The following KLHL4 variants were observed in gnomAD, a reference collection of about 807,000 sequenced individuals.
KLHL4 encodes the protein kelch-like protein 4.
KLHL4 carries 17 observed loss-of-function variants against 45.8 expected under a neutral mutation model. The ratio of observed to expected loss-of-function variants is 0.37; its 90% CI spans 0.25 to 0.56. The LOEUF (loss-of-function observed/expected upper bound fraction) is 0.56, where lower values mean the gene tolerates loss of function less well. Ranked by LOEUF, KLHL4 falls within the 20% of genes least tolerant of loss-of-function variation. The pLI is 0.79. For synonymous variants in KLHL4, 224 were observed against 189.9 expected, an observed-to-expected ratio of 1.18 and a Z score of -1.47; for missense variants, 544 against 544.9, an observed-to-expected ratio of 1.00 and a Z score of 0.02.
Position 87,668,748 on chromosome X carries a change from C to T in KLHL4, c.*2214C>T, listed in dbSNP as rs998673780. ...AGCATGCTCAGGGTGCACCGTATGT[C>T]CCCTGGTCATGTGATGCTATGTGTT... On this transcript the variant is annotated 3_prime_UTR_variant, in exon 11 of 11. Transcript: ENST00000373119. 7.3e-6 allele frequency: 1 copy of T among 136,731 alleles called. No individual in the cohort carries two copies. The highest frequency in any genetic ancestry group is 3.2e-5 in the African/African-American group (1 of 30,917). 11.3% of individuals were successfully genotyped at this position (136,731 alleles called of 1,213,427 possible).
intron 6 of KLHL4, 39 bp downstream of exon 6, chrX:87,625,835 C>A: frequency 9.7e-7 from 1 of 1,034,475 alleles, no homozygotes. Context: ...AAAAAAGATA[C>A]ATTCTTAACA....
intron 1 of KLHL4, among the ~76,000 whole-genome samples, chrX:87,532,572 A>T (rs1371897281): frequency 1.9e-5 from 2 of 103,581 alleles, no homozygotes; most frequent in African/African-American, 7.1e-5. Context: ...ATGAGCATGG[A>T]ATGTTCTTCC....
At position 87,618,063 on chromosome X, in the gene KLHL4, A is replaced by T; in HGVS notation, c.859A>T (p.Ile287Phe). 2 of 1,211,218 alleles carry T rather than the reference A, an allele frequency of 1.7e-6. No homozygotes were observed. The highest frequency in any genetic ancestry group is 1.1e-6 in the Non-Finnish European group (1 of 895,168). The change falls in exon 4 of 11, where the codon ATT becomes TTT. Residue 287 changes from isoleucine (I) to phenylalanine (F), a missense_variant. Transcript: ENST00000373119. ...GCTCCATCCTTCAAACTGCTTAGGGATTCGATCATTTGGAGATGCCCAAGG... is the reference window on the plus strand; with the variant it reads ...GCTCCATCCTTCAAACTGCTTAGGGTTTCGATCATTTGGAGATGCCCAAGG... ...KQLHPSNCLG[I>F]RSFGDAQGCT...
chrX:87,660,943 C>T (rs912056217), intron 9 of KLHL4, among the ~76,000 whole-genome samples: 6 of 112,326 alleles, frequency 5.3e-5, no homozygotes, highest in Non-Finnish European at 7.5e-5. Context: ...GGAAAACCCA[C>T]GTTGTTTTTT....
intron 1 of KLHL4, among the ~76,000 whole-genome samples, chrX:87,522,875 C>G (rs1390767255): frequency 9.0e-6 from 1 of 111,646 alleles, no homozygotes; most frequent in Non-Finnish European, 1.9e-5. Context: ...GTACCATGGT[C>G]TTCATGTCTC....
chrX:87,599,491 G>A (rs1278393384), intron 1 of KLHL4, among the ~76,000 whole-genome samples: 1 of 110,885 alleles, frequency 9.0e-6, no homozygotes, highest in Non-Finnish European at 1.9e-5. Context: ...TTACTTTTAG[G>A]TCTATTCATA....
At chrX:87,665,262 A>G (rs1025483047) in intron 10 of KLHL4, among the ~76,000 whole-genome samples, 2 of 111,873 alleles carry the variant, frequency 1.8e-5, no homozygotes, top group Non-Finnish European at 3.8e-5. Flanking sequence ...AATAAATAAA[A>G]TAAAGCATTT....
intron 1 of KLHL4, among the ~76,000 whole-genome samples, chrX:87,608,732 TTTTTA>T (rs1003289800): frequency 7.2e-5 from 8 of 110,704 alleles, no homozygotes; most frequent in Non-Finnish European, 1.5e-4. Flanking sequence ...TACTAGTATC[TTTTTA>T]TTTTATTTTA....
intron 1 of KLHL4, among the ~76,000 whole-genome samples, chrX:87,567,890 C>T (rs907877871): frequency 1.8e-5 from 2 of 110,475 alleles, no homozygotes; most frequent in African/African-American, 3.3e-5. Context: ...ATCATCCATA[C>T]CCCAAATCTC....
At position 87,585,394 on chromosome X, in the gene KLHL4, C is replaced by T. The variant is rs142682248; in HGVS notation, c.423-28483C>T. On this transcript the variant is annotated intron_variant, in intron 1 of 10. Coordinates refer to ENST00000373119, the MANE Select transcript of KLHL4 (RefSeq NM_019117.5). ...ACTACTCTTAATTAGAAAGACAAAA[C>T]GAAAAATAATAAGTACAACTTTTCA... Among the ~76,000 whole-genome samples the T allele has an allele frequency of 4.6e-4, 51 of 111,037 alleles. No individual in the cohort carries two copies. In the East Asian group the frequency reaches 9.4e-3, roughly 20 times the overall value.
At chrX:87,519,914 A>C (rs1292278905) in intron 1 of KLHL4, among the ~76,000 whole-genome samples, 1 of 112,302 alleles carries the variant, frequency 8.9e-6, no homozygotes, top group Non-Finnish European at 1.9e-5. Context: ...ATGTTAGAAA[A>C]AATGTTAGGT....
rs553897520 is a variant in KLHL4, at chrX:87,536,617, T to C, written c.422+18302T>C. On this transcript the variant is annotated intron_variant, in intron 1 of 10. Coordinates refer to ENST00000373119, the MANE Select transcript of KLHL4 (RefSeq NM_019117.5). ...GAAAATATGAAATAGCTGATACTGC[T>C]GCCACCGAGACTCAAATAATAGATA... 3.7e-3 allele frequency among the ~76,000 whole-genome samples: 362 copies of C among 97,345 alleles called. 6 individuals are homozygous for C. In the South Asian group the frequency reaches 0.055, roughly 15 times the overall value. The allele number at this position is 97,345 out of a possible 115,157, so 84.5% of individuals were successfully genotyped here. A position where few individuals can be genotyped will look rare whatever the true frequency, so the allele number is the denominator to read the frequency against.
intron 7 of KLHL4, among the ~76,000 whole-genome samples, chrX:87,632,922 T>G (rs759771118): frequency 9.0e-6 from 1 of 111,454 alleles, no homozygotes; most frequent in Admixed American, 9.6e-5. Context: ...TTTTTTTTAA[T>G]CTGATTTTTA....
chrX:87,565,856 G>T (rs1932199685), intron 1 of KLHL4, among the ~76,000 whole-genome samples: 1 of 109,769 alleles, frequency 9.1e-6, no homozygotes, highest in Non-Finnish European at 1.9e-5. Context: ...ATAACACACT[G>T]CCTCTAGAAA....
rs1387738089 is a variant in KLHL4, at chrX:87,614,538, C to T, written c.695C>T (p.Ala232Val). 8.3e-7 allele frequency: 1 copy of T among 1,206,364 alleles called. No homozygotes were observed. Among genetic ancestry groups the T allele is most frequent in the Non-Finnish European group, 1.1e-6 (1 of 893,159 alleles). The change falls in exon 3 of 11, where the codon GCA becomes GTA. Residue 232 changes from alanine (A) to valine (V), a missense_variant. Coordinates refer to ENST00000373119, the MANE Select transcript of KLHL4 (RefSeq NM_019117.5). ...AGGATGGAAGGAGTAGATCCAAATG[C>T]ACTAAATTCCTTGGTGCAGTATGCT... ...EVRMEGVDPN[A>V]LNSLVQYAYT... is the part of the protein sequence containing the mutation.
At chrX:87,570,890 G>T (rs886301992) in intron 1 of KLHL4, among the ~76,000 whole-genome samples, 2 of 110,483 alleles carry the variant, frequency 1.8e-5, no homozygotes, top group African/African-American at 3.3e-5. Context: ...TGTCAGGAAA[G>T]ATATATATTG....
Position 87,659,905 on chromosome X carries a change from ATTC to A in KLHL4, c.1926-4856_1926-4854del, listed in dbSNP as rs1418635590. On this transcript the variant is annotated intron_variant, in intron 9 of 10. Transcript: ENST00000373119. ...TCAGCTCAGTATAAAGGCTTGATGT[ATTC>A]TTGGGCATTTCTAGGGATGCGTGCT... 1.0e-4 allele frequency among the ~76,000 whole-genome samples: 11 copies of A among 109,870 alleles called. No individual in the cohort carries two copies. In the Admixed American group the frequency reaches 1.1e-3, roughly 11 times the overall value.
At chrX:87,619,880 G>A (rs931761126) in intron 4 of KLHL4, among the ~76,000 whole-genome samples, 1 of 111,626 alleles carries the variant, frequency 9.0e-6, no homozygotes, top group Admixed American at 9.6e-5. Context: ...TTGCAGTACT[G>A]GATTGATAGT....
intron 1 of KLHL4, among the ~76,000 whole-genome samples, chrX:87,591,233 C>T (rs1013755835): frequency 4.5e-5 from 5 of 111,719 alleles, no homozygotes; most frequent in African/African-American, 1.6e-4. Context: ...AGTTTCCCAA[C>T]ATTAGTGATG....
Sources: gnomAD v4.1 joint callset for allele counts (sites outside exome capture counted in the v4.1 genomes callset) on GRCh38, gnomAD v4.1.1 for gene constraint, MANE v1.5 for transcripts, NCBI Gene and HGNC (gene_info 2026-07-23, HGNC 2026-07-21) for gene names.